Variants in CADPS2 observed in about 807,000 individuals in gnomAD.
CADPS2 encodes calcium dependent secretion activator 2.
Under a neutral mutation model 172.5 loss-of-function variants are expected in CADPS2, and 93 were observed. The observed-to-expected ratio is 0.54, with a 90% CI of 0.46 to 0.64. The LOEUF is 0.64. Ranked by LOEUF, CADPS2 falls within the 30% of genes least tolerant of loss-of-function variation. CADPS2 has a pLI of 0.00. For synonymous variants in CADPS2, 546 were observed against 555.2 expected, an observed-to-expected ratio of 0.98 and a Z score of 0.23; for missense variants, 1,420 against 1,565.9, an observed-to-expected ratio of 0.91 and a Z score of 1.57.
At chr7:122,644,524 C>T (rs2078086533) in intron 3 of CADPS2, among the ~76,000 whole-genome samples, 2 of 152,132 alleles carry the variant, frequency 1.3e-5, no homozygotes, top group Non-Finnish European at 2.9e-5. Flanking sequence ...AGAAATAACA[C>T]AAATTCACTT....
At chr7:122,718,010 T>G (rs951288651) in intron 2 of CADPS2, among the ~76,000 whole-genome samples, 6 of 71,882 alleles carry the variant, frequency 8.3e-5, no homozygotes, top group African/African-American at 2.4e-4. Flanking sequence ...TTTTTTTTTT[T>G]GTAGAGACAA....
At chr7:122,802,749 T>C (rs1797932076) in intron 1 of CADPS2, among the ~76,000 whole-genome samples, 1 of 152,118 alleles carries the variant, frequency 6.6e-6, no homozygotes, top group South Asian at 2.1e-4. Flanking sequence ...CTTTCACCAT[T>C]AGCAGCAATC....
intron 17 of CADPS2, among the ~76,000 whole-genome samples, chr7:122,420,529 G>A (rs1396869301): frequency 7.2e-5 from 11 of 152,188 alleles, no homozygotes. Flanking sequence ...GAAGTTTAAT[G>A]CATTCTACAG....
intron 2 of CADPS2, among the ~76,000 whole-genome samples, chr7:122,695,178 G>A (rs2084911854): frequency 6.6e-6 from 1 of 152,186 alleles, no homozygotes; most frequent in African/African-American, 2.4e-5. Flanking sequence ...GATGGAGTGA[G>A]TCATTTCACC....
chr7:122,725,370 C>T (rs551773290), intron 2 of CADPS2, among the ~76,000 whole-genome samples: 7 of 151,154 alleles, frequency 4.6e-5, no homozygotes, highest in East Asian at 2.0e-4. Context: ...TATGCATATG[C>T]GTGTGTGTGT....
intron 2 of CADPS2, among the ~76,000 whole-genome samples, chr7:122,689,532 C>T (rs1021118134): frequency 2.0e-5 from 3 of 152,198 alleles, no homozygotes; most frequent in Admixed American, 2.0e-4. Flanking sequence ...GGGGGCCCAC[C>T]CCACTCACAA....
In CADPS2 at chr7:122,822,873, G is replaced by C. The variant is rs1231634025; in HGVS notation, c.339+63126C>G. Reference sequence around the variant, plus strand: ...TTACCTACCCAAATCCTATAAAATGGCCCCACCCCTATCTCCCTTCGCTGA... The same window carrying C: ...TTACCTACCCAAATCCTATAAAATGCCCCCACCCCTATCTCCCTTCGCTGA... On this transcript the variant is annotated intron_variant, in intron 1 of 29. Coordinates refer to ENST00000449022, the MANE Select transcript of CADPS2 (RefSeq NM_017954.11). Among the ~76,000 whole-genome samples, 3 of 151,024 alleles carry C rather than the reference G, an allele frequency of 2.0e-5. No individual in the cohort carries two copies. The East Asian group carries it at 5.9e-4, about 30-fold the overall frequency.
intron 1 of CADPS2, among the ~76,000 whole-genome samples, chr7:122,774,910 A>G (rs978468236): frequency 6.6e-6 from 1 of 152,202 alleles, no homozygotes; most frequent in African/African-American, 2.4e-5. Context: ...TAATTAATAT[A>G]TAACCACTCA....
chr7:122,833,627 C>G (rs1318334589), intron 1 of CADPS2, among the ~76,000 whole-genome samples: 2 of 152,048 alleles, frequency 1.3e-5, no homozygotes, highest in Admixed American at 1.3e-4. Context: ...AACTCCTGAC[C>G]TCAAGTGATC....
chr7:122,839,986 T>C (rs1809922172), intron 1 of CADPS2, among the ~76,000 whole-genome samples: 1 of 152,202 alleles, frequency 6.6e-6, no homozygotes, highest in South Asian at 2.1e-4. Context: ...CACACATATG[T>C]TTATTGCGGC....
chr7:122,854,615 G>A (rs1471776971), intron 1 of CADPS2, among the ~76,000 whole-genome samples: 1 of 152,176 alleles, frequency 6.6e-6, no homozygotes, highest in Non-Finnish European at 1.5e-5. Context: ...GGACAAGAGA[G>A]GCTCCCGTGA....
intron 1 of CADPS2, among the ~76,000 whole-genome samples, chr7:122,768,659 T>G (rs576838351): frequency 2.0e-5 from 3 of 152,270 alleles, no homozygotes; most frequent in Non-Finnish European, 4.4e-5. Flanking sequence ...TTTTTAAAAT[T>G]TCTTCTTCAA....
At chr7:122,331,378 C>T (rs2034918839) in intron 28 of CADPS2, among the ~76,000 whole-genome samples, 1 of 152,188 alleles carries the variant, frequency 6.6e-6, no homozygotes, top group African/African-American at 2.4e-5. Flanking sequence ...AGGCCAGTGC[C>T]TGTAATCCCA....
chr7:122,690,222 T>C (rs1191500253), intron 2 of CADPS2, among the ~76,000 whole-genome samples: 2 of 152,140 alleles, frequency 1.3e-5, no homozygotes, highest in Non-Finnish European at 2.9e-5. Flanking sequence ...TTCAAGTCAA[T>C]TTTTCATCCC....
intron 25 of CADPS2, among the ~76,000 whole-genome samples, chr7:122,368,677 CA>C (rs2041304195): frequency 6.6e-6 from 1 of 152,118 alleles, no homozygotes. Flanking sequence ...ATTTTTAAAG[CA>C]TATAAAAATG....
intron 1 of CADPS2, among the ~76,000 whole-genome samples, chr7:122,826,614 C>G (rs1804950601): frequency 6.6e-6 from 1 of 151,232 alleles, no homozygotes; most frequent in African/African-American, 2.4e-5. Flanking sequence ...AGCAAGGCAA[C>G]AGAATTTATG....
At chr7:122,578,042 G>T (rs951791352) in intron 7 of CADPS2, among the ~76,000 whole-genome samples, 2 of 150,670 alleles carry the variant, frequency 1.3e-5, no homozygotes, top group African/African-American at 2.4e-5. Flanking sequence ...CTTAATAGAA[G>T]TTATTTGTTC....
intron 28 of CADPS2, among the ~76,000 whole-genome samples, chr7:122,342,268 T>C (rs1455105657): frequency 6.6e-6 from 1 of 152,182 alleles, no homozygotes; most frequent in Non-Finnish European, 1.5e-5. Flanking sequence ...GGTTGTACAC[T>C]GAAAACTCTT....
At chr7:122,724,452 AAT>A (rs2090867918) in intron 2 of CADPS2, among the ~76,000 whole-genome samples, 1 of 152,074 alleles carries the variant, frequency 6.6e-6, no homozygotes, top group Admixed American at 6.6e-5. Flanking sequence ...TACACATGAT[AAT>A]ATAAATTAAG....
Sources: gnomAD v4.1 joint callset for allele counts (sites outside exome capture counted in the v4.1 genomes callset) on GRCh38, gnomAD v4.1.1 for gene constraint, MANE v1.5 for transcripts, NCBI Gene and HGNC (gene_info 2026-07-23, HGNC 2026-07-21) for gene names.